ZSCAN20: variants seen among roughly 807,000 people sequenced by gnomAD.
ZSCAN20 encodes the protein zinc finger and SCAN domain containing 20.
In ZSCAN20, 39 loss-of-function variants were observed where a neutral mutation model predicts 97.1. That is an observed-to-expected ratio of 0.40 (90% CI 0.31 to 0.52). The LOEUF (loss-of-function observed/expected upper bound fraction) is 0.52. ZSCAN20 is among the 20% of genes least tolerant of loss of function. The pLI, the probability that ZSCAN20 is intolerant of heterozygous loss-of-function variation, is 0.49. For synonymous variants in ZSCAN20, 456 were observed against 467.3 expected (o/e 0.98, Z 0.31); for missense variants, 1,115 against 1,290.4 (o/e 0.86, Z 2.08).
In ZSCAN20 at chr1:33,493,676, C is replaced by A; in HGVS notation, c.1873+61C>A. On this transcript the variant is annotated intron_variant, in intron 7 of 7. Coordinates refer to ENST00000684572, the MANE Select transcript of ZSCAN20 (RefSeq NM_001377376.1). This position sits in a 1 kb window ranked among gnomAD's most constrained non-coding sequence, Gnocchi z 4.3. The stretch of plus-strand genomic sequence containing the variant: ...TGGGCATGTGGAGAGAATGAGGAAG[C>A]CAGGCTCATTATCTTTTGTCTCTTA... 1 of 1,462,970 alleles carries A rather than the reference C, an allele frequency of 6.8e-7. No individual in the cohort carries two copies. The allele number at this position is 1,462,970 out of a possible 1,614,324, so 90.6% of individuals were successfully genotyped here. A position where few individuals can be genotyped will look rare whatever the true frequency, so the allele number is the denominator to read the frequency against.
Position 33,499,962 on chromosome 1 carries a change from G to A in ZSCAN20, c.*4486G>A, listed in dbSNP as rs1465463888. ...CAATCTCAAGCCCCTGCCCCAATCT[G>A]CTACAAGGGGTTAGTGTTCCATGCA... is the stretch of plus-strand genomic sequence containing the variant. On this transcript the variant is annotated 3_prime_UTR_variant, in exon 8 of 8. Transcript: ENST00000684572. 6.6e-6 allele frequency among the ~76,000 whole-genome samples: 1 copy of A among 152,048 alleles called. No individual in the cohort carries two copies. Among genetic ancestry groups the A allele is most frequent in the African/African-American group, 2.4e-5 (1 of 41,394 alleles).
In ZSCAN20 at chr1:33,488,630, C is replaced by T. The variant is rs1261576209; in HGVS notation, c.583C>T (p.Pro195Ser). Residue 195 changes from proline (P) to serine (S), a missense_variant, in exon 3 of 8, where the codon CCA becomes TCA. By Grantham distance (74) the Pro-to-Ser change is moderately conservative. Coordinates refer to ENST00000684572, the MANE Select transcript of ZSCAN20 (RefSeq NM_001377376.1). ...CAATCACCTAAATGCCGAGGTGGCA[C>T]CACAGCCTTTGAAAGAGAGTGGTGA... The part of the protein sequence containing the change: ...LPNHLNAEVA[P>S]QPLKESAVLT... The T allele has an allele frequency of 3.1e-6, 5 of 1,612,366 alleles. No homozygotes were observed. In the African/African-American group the frequency reaches 5.4e-5, roughly 17 times the overall value.
chr1:33,491,040 A>G lies in ZSCAN20; in HGVS notation c.782A>G (p.Lys261Arg), dbSNP rs770789179. The G allele has an allele frequency of 6.3e-7, 1 of 1,599,766 alleles. No individual in the cohort carries two copies. Among genetic ancestry groups the G allele is most frequent in the South Asian group, 1.1e-5 (1 of 90,018 alleles). Residue 261 changes from lysine (K) to arginine (R), a missense_variant, in exon 6 of 8, where the codon AAA becomes AGA. This residue lies in a region of ZSCAN20 where 508 missense variants were observed against 611.2 expected (regional missense o/e 0.83). Coordinates refer to ENST00000684572, the MANE Select transcript of ZSCAN20 (RefSeq NM_001377376.1). This position sits in a 1 kb window ranked among gnomAD's most constrained non-coding sequence, Gnocchi z 4.3. Reference sequence around the variant, plus strand: ...CCTTTTGTAGGAGTTCCAGTTTCAAAACCAAGTAATACCTCCGAGAAAGAG... The same window carrying G: ...CCTTTTGTAGGAGTTCCAGTTTCAAGACCAAGTAATACCTCCGAGAAAGAG... ...NSVCLGVPVS[K>R]PSNTSEKEQG...
At position 33,488,453 on chromosome 1, in the gene ZSCAN20, A is replaced by C. The variant is rs770200678; in HGVS notation, c.418-12A>C. 6 of 1,607,860 alleles carry C rather than the reference A, an allele frequency of 3.7e-6. No homozygotes were observed. The highest frequency in any genetic ancestry group is 3.4e-6 in the Non-Finnish European group (4 of 1,178,238). On this transcript the variant is annotated splice_polypyrimidine_tract_variant and intron_variant, in intron 2 of 7. Coordinates refer to ENST00000684572, the MANE Select transcript of ZSCAN20 (RefSeq NM_001377376.1). ...GAATTGTTGATTGGGAATTTTGACT[A>C]TTTGTGTGTAGGGACTGGAATTGCA...
intron 2 of ZSCAN20, among the ~76,000 whole-genome samples, 183 bp downstream of exon 2, chr1:33,479,888 C>A (rs991335005): frequency 6.6e-6 from 1 of 152,170 alleles, no homozygotes; most frequent in African/African-American, 2.4e-5. Context: ...CCCACTTAGT[C>A]CTGTCAACAA....
In ZSCAN20 at chr1:33,496,084, T is replaced by A. The variant is rs1652851508; in HGVS notation, c.*608T>A. The stretch of plus-strand genomic sequence containing the variant: ...ACTTTGTATACATCATCTCATTTAA[T>A]CTTCACAACGGCCCCAGGAGATAAG... On this transcript the variant is annotated 3_prime_UTR_variant, in exon 8 of 8. Transcript: ENST00000684572. 1 of 152,250 alleles carries A rather than the reference T, an allele frequency of 6.6e-6. No individual in the cohort carries two copies. Among genetic ancestry groups the A allele is most frequent in the Non-Finnish European group, 1.5e-5 (1 of 68,048 alleles). 9.4% of individuals were successfully genotyped at this position (152,250 alleles called of 1,614,324 possible).
intron 2 of ZSCAN20, among the ~76,000 whole-genome samples, chr1:33,482,383 G>T (rs557276118): frequency 6.6e-6 from 1 of 152,144 alleles, no homozygotes; most frequent in Non-Finnish European, 1.5e-5. Flanking sequence ...TTTCCTCCAC[G>T]TCTTTTCATG....
chr1:33,479,175 T>G lies in ZSCAN20; in HGVS notation c.-110-4T>G. On this transcript the variant is annotated splice_polypyrimidine_tract_variant and splice_region_variant and intron_variant, in intron 1 of 7. Coordinates refer to ENST00000684572, the MANE Select transcript of ZSCAN20 (RefSeq NM_001377376.1). ...ACACTCTATCCTTTGTCTTTCTGCC[T>G]TAGAGCCTTGGGGAGCAGTCCCTTT... 1 of 1,173,818 alleles carries G rather than the reference T, an allele frequency of 8.5e-7. No individual in the cohort carries two copies. The allele number at this position is 1,173,818 out of a possible 1,614,324, so 72.7% of individuals were successfully genotyped here. A position where few individuals can be genotyped will look rare whatever the true frequency, so the allele number is the denominator to read the frequency against.
rs545474355 is a variant in ZSCAN20 at position 33,479,085 on chromosome 1, C to T, written c.-110-94C>T. On this transcript the variant is annotated intron_variant, in intron 1 of 7. Coordinates refer to ENST00000684572, the MANE Select transcript of ZSCAN20 (RefSeq NM_001377376.1). ...AGGGGCATCTCTTAGCACCTCTGCC[C>T]CCATGCAAAGGTGGCGGAAGATATG... The T allele has an allele frequency of 8.5e-5, 47 of 549,774 alleles. No individual in the cohort carries two copies. The East Asian group carries it at 1.4e-3, about 16-fold the overall frequency. The allele number at this position is 549,774 out of a possible 1,614,324, so 34.1% of individuals were successfully genotyped here. A position where few individuals can be genotyped will look rare whatever the true frequency, so the allele number is the denominator to read the frequency against.
rs202111271 is a variant in ZSCAN20, at chr1:33,489,612, C to T, written c.766+10C>T. 46 of 1,613,134 alleles carry T rather than the reference C, an allele frequency of 2.9e-5. No individual in the cohort carries two copies. Among genetic ancestry groups the T allele is most frequent in the Non-Finnish European group, 3.6e-5 (42 of 1,179,280 alleles). On this transcript the variant is annotated intron_variant, in intron 5 of 7. Transcript: ENST00000684572. Reference sequence around the variant, plus strand: ...AACAGCGTGTGCCTGGGTAAGGAGACGTACCCTCTGAAGGTGATGTTGTCA... The same window carrying T: ...AACAGCGTGTGCCTGGGTAAGGAGATGTACCCTCTGAAGGTGATGTTGTCA...
chr1:33,481,099 A>G (rs1652139083), intron 2 of ZSCAN20, among the ~76,000 whole-genome samples: 1 of 152,190 alleles, frequency 6.6e-6, no homozygotes, highest in Non-Finnish European at 1.5e-5. Context: ...GGATTCCTTT[A>G]CAAACTGATT....
In ZSCAN20 at chr1:33,489,573, G is replaced by C. The variant is rs997980660; in HGVS notation, c.737G>C (p.Gly246Ala). The C allele has an allele frequency of 1.2e-6, 2 of 1,614,036 alleles. No individual in the cohort carries two copies. The highest frequency in any genetic ancestry group is 1.7e-6 in the Non-Finnish European group (2 of 1,180,026). ...AAGGAGCTCTGTAAAGACCCCCCAGGAGACGACTGTGGGAACAGCGTGTGC... is the reference window on the plus strand; with the variant it reads ...AAGGAGCTCTGTAAAGACCCCCCAGCAGACGACTGTGGGAACAGCGTGTGC... ...AEKELCKDPP[G>A]DDCGNSVCLG... is the part of the protein sequence containing the mutation. The change falls in exon 5 of 8, where the codon GGA becomes GCA. Residue 246 changes from glycine (G) to alanine (A), a missense_variant. Gly to Ala is a moderately conservative substitution (Grantham distance 60, BLOSUM62 0). Transcript: ENST00000684572.
At chr1:33,476,178 G>A (rs535441689) in intron 1 of ZSCAN20, among the ~76,000 whole-genome samples, 2 of 152,242 alleles carry the variant, frequency 1.3e-5, no homozygotes, top group African/African-American at 2.4e-5. Context: ...TGGTCATCTC[G>A]GAACTGAGGA....
rs2148486881 is a variant in ZSCAN20 at position 33,498,902 on chromosome 1, G to A, written c.*3426G>A. Among the ~76,000 whole-genome samples the A allele has an allele frequency of 6.6e-6, 1 of 152,296 alleles. No homozygotes were observed. Among genetic ancestry groups the A allele is most frequent in the Non-Finnish European group, 1.5e-5 (1 of 68,022 alleles). On this transcript the variant is annotated 3_prime_UTR_variant, in exon 8 of 8. Transcript: ENST00000684572. ...GCAGCAGACCCAAAGGTAGGGGCAG[G>A]GAAAGGAGGGGCCAAGACTTTTTCA...
At chr1:33,486,057 C>A (rs916780278) in intron 2 of ZSCAN20, among the ~76,000 whole-genome samples, 3 of 152,086 alleles carry the variant, frequency 2.0e-5, no homozygotes, top group Non-Finnish European at 4.4e-5. Context: ...ATTTCTCTTC[C>A]GACAGTTAGG....
intron 1 of ZSCAN20, among the ~76,000 whole-genome samples, chr1:33,475,511 C>A (rs756785805): frequency 2.0e-5 from 3 of 152,214 alleles, no homozygotes; most frequent in Non-Finnish European, 2.9e-5. Flanking sequence ...ACACTTTACT[C>A]ACACTTAGTG....
chr1:33,487,207 A>T lies in ZSCAN20; in HGVS notation c.418-1258A>T, dbSNP rs542654800. The stretch of plus-strand genomic sequence containing the variant: ...GGATGAAGATGGATGGAGGTGGGGC[A>T]TTTTCACTGAATATACCCATGTATG... On this transcript the variant is annotated intron_variant, in intron 2 of 7. Transcript: ENST00000684572. Among the ~76,000 whole-genome samples, 4 of 152,314 alleles carry T rather than the reference A, an allele frequency of 2.6e-5. No individual in the cohort carries two copies. The East Asian group carries it at 7.7e-4, about 29-fold the overall frequency.
chr1:33,488,802 A>G (rs958576014), intron 3 of ZSCAN20, 151 bp downstream of exon 3: 1 of 851,350 alleles, frequency 1.2e-6, no homozygotes, highest in Non-Finnish European at 1.8e-6. Flanking sequence ...GAAGTAAGCA[A>G]GCCTCGTAAA....
Position 33,499,778 on chromosome 1 carries a change from G to C in ZSCAN20, c.*4302G>C, listed in dbSNP as rs938559597. Among the ~76,000 whole-genome samples, 1 of 149,714 alleles carries C rather than the reference G, an allele frequency of 6.7e-6. No homozygotes were observed. The highest frequency in any genetic ancestry group is 6.6e-5 in the Admixed American group (1 of 15,126). ...ATATTCCCTTACCCCATTTTTTTTG[G>C]GGGGGAGATGGGGGTCTTGTGTTGC... is the stretch of plus-strand genomic sequence containing the variant. On this transcript the variant is annotated 3_prime_UTR_variant, in exon 8 of 8. Coordinates refer to ENST00000684572, the MANE Select transcript of ZSCAN20 (RefSeq NM_001377376.1).
Sources: allele counts gnomAD v4.1 joint callset (sites outside exome capture counted in the v4.1 genomes callset), GRCh38; gene constraint gnomAD v4.1.1; regional missense constraint gnomAD v4.1.1; non-coding constraint Gnocchi (gnomAD v3.1); transcripts MANE v1.5; gene names NCBI Gene and HGNC (gene_info 2026-07-23, HGNC 2026-07-21).